The following MDM2 variants were observed in gnomAD, a reference collection of about 807,000 sequenced individuals.
MDM2 encodes the protein E3 ubiquitin-protein ligase Mdm2.
MDM2 carries 11 observed loss-of-function variants against 64.3 expected under a neutral mutation model. The ratio of observed to expected loss-of-function variants is 0.17; its 90% CI spans 0.11 to 0.28. MDM2 has a LOEUF of 0.28. MDM2 is among the 10% of genes least tolerant of loss of function. MDM2 has a pLI of 1.00. For missense variants in MDM2, 388 were observed against 577.1 expected (o/e 0.67, Z 3.36); for synonymous variants, 194 against 192.9 (o/e 1.01, Z -0.05).
chr12:68,839,686 G>A lies in MDM2; in HGVS notation c.1331G>A (p.Cys444Tyr), dbSNP rs765555199. The A allele has an allele frequency of 6.2e-7, 1 of 1,613,718 alleles. No homozygotes were observed. ...TTGCCCCTTAATGCCATTGAACCTTGTGTGATTTGTCAAGGTCGACCTAAA... is the reference window on the plus strand; with the variant it reads ...TTGCCCCTTAATGCCATTGAACCTTATGTGATTTGTCAAGGTCGACCTAAA... ...SSLPLNAIEP[C>Y]VICQGRPKNG... Residue 444 changes from cysteine (C) to tyrosine (Y), a missense_variant, in exon 11 of 11, where the codon TGT (cysteine) becomes TAT (tyrosine). Physicochemically the swap from Cys to Tyr is radical, Grantham distance 194. Transcript: ENST00000258149.
Position 68,839,797 on chromosome 12 carries a change from G to C in MDM2, c.1442G>C (p.Cys481Ser), listed in dbSNP as rs550783815. Residue 481 changes from cysteine (C) to serine (S), a missense_variant, in exon 11 of 11, where the codon TGC (cysteine) becomes TCC (serine). Physicochemically the swap from Cys to Ser is moderately radical, Grantham distance 112 (BLOSUM62 -1). Transcript: ENST00000258149. The stretch of plus-strand genomic sequence containing the variant: ...AAGCTAAAGAAAAGGAATAAGCCCT[G>C]CCCAGTATGTAGACAACCAATTCAA... ...AKKLKKRNKP[C>S]PVCRQPIQMI... The C allele has an allele frequency of 6.2e-7, 1 of 1,614,054 alleles. No individual in the cohort carries two copies. The highest frequency in any genetic ancestry group is 1.7e-5 in the Admixed American group (1 of 59,992).
chr12:68,842,533 A>G lies in MDM2; in HGVS notation c.*2684A>G, dbSNP rs1418318269. 2 of 357,914 alleles carry G rather than the reference A, an allele frequency of 5.6e-6. No homozygotes were observed. The highest frequency in any genetic ancestry group is 1.1e-5 in the Non-Finnish European group (2 of 184,692). The allele number at this position is 357,914 out of a possible 1,614,324, so 22.2% of individuals were successfully genotyped here. ...AAATCATCTACATTGCTGTCTACAA[A>G]ACAGATAATATGGATGTTTGATCGC... On this transcript the variant is annotated 3_prime_UTR_variant, in exon 11 of 11. Coordinates refer to ENST00000258149, the MANE Select transcript of MDM2 (RefSeq NM_002392.6).
chr12:68,829,500 G>A (rs1254099685), intron 8 of MDM2, among the ~76,000 whole-genome samples: 1 of 152,140 alleles, frequency 6.6e-6, no homozygotes. Context: ...GGGTGCGGTG[G>A]CTCATGCCTG....
intron 8 of MDM2, among the ~76,000 whole-genome samples, chr12:68,829,578 C>G (rs1377416545): frequency 2.0e-5 from 3 of 152,048 alleles, no homozygotes; most frequent in Non-Finnish European, 4.4e-5. Context: ...CCAGCATGGC[C>G]AACAAGATGA....
Position 68,844,075 on chromosome 12 carries a change from A to G in MDM2, c.*4226A>G, listed in dbSNP as rs1884051694. The G allele has an allele frequency of 9.7e-6, 2 of 206,504 alleles. No homozygotes were observed. The highest frequency in any genetic ancestry group is 1.9e-4 in the South Asian group (1 of 5,318). The allele number at this position is 206,504 out of a possible 1,614,324, so 12.8% of individuals were successfully genotyped here. On this transcript the variant is annotated 3_prime_UTR_variant, in exon 11 of 11. Transcript: ENST00000258149. ...TGGAGGCAGTGACAGCTATTTTTAC[A>G]AAATTTAAATCTGCAAATGGATTCA... is the stretch of plus-strand genomic sequence containing the variant.
At chr12:68,830,760 G>C (rs753352746) in intron 8 of MDM2, among the ~76,000 whole-genome samples, 2 of 152,076 alleles carry the variant, frequency 1.3e-5, no homozygotes, top group Non-Finnish European at 2.9e-5. Flanking sequence ...GAGTGCAGTG[G>C]TGCAATCTTG....
At chr12:68,809,772 T>C (rs1328115624) in intron 2 of MDM2, among the ~76,000 whole-genome samples, 8 of 152,232 alleles carry the variant, frequency 5.3e-5, no homozygotes, top group Non-Finnish European at 8.8e-5. Context: ...TCTATGTTAT[T>C]GTCCTGTTTG....
chr12:68,833,207 T>C (rs1381464740), intron 8 of MDM2, among the ~76,000 whole-genome samples: 1 of 123,214 alleles, frequency 8.1e-6, no homozygotes, highest in African/African-American at 3.0e-5. Context: ...TATATAATTA[T>C]AAATCTATTA....
rs2136105063 is a variant in MDM2, at chr12:68,809,006, A to AT, written c.15-198dup. 26 of 1,457,752 alleles carry AT rather than the reference A, an allele frequency of 1.8e-5. No homozygotes were observed. The South Asian group carries it at 3.6e-4, about 20-fold the overall frequency. The allele number at this position is 1,457,752 out of a possible 1,614,324, so 90.3% of individuals were successfully genotyped here. A position where few individuals can be genotyped will look rare whatever the true frequency, so the allele number is the denominator to read the frequency against. ...CCAGCTGGGGCTATTTAAACCATGCATTTTCCCAGCTGTGTTCAGTGGCGA... is the reference window on the plus strand; with the variant it reads ...CCAGCTGGGGCTATTTAAACCATGCATTTTTCCCAGCTGTGTTCAGTGGCGA... On this transcript the variant is annotated intron_variant, in intron 1 of 10. Transcript: ENST00000258149.
At chr12:68,848,220 T>C (rs1483938076), downstream of MDM2, 1 of 152,272 alleles carries the variant, frequency 6.6e-6, no homozygotes, top group Non-Finnish European at 1.5e-5. Flanking sequence ...TCTTGCTCTG[T>C]TGCCCAGGGT....
At chr12:68,822,677 G>C (rs561796865) in intron 5 of MDM2, among the ~76,000 whole-genome samples, 1 of 151,842 alleles carries the variant, frequency 6.6e-6, no homozygotes, top group Non-Finnish European at 1.5e-5. Flanking sequence ...CTTATTTGCA[G>C]TCTGAGTTTG....
At chr12:68,819,093 G>T (rs887551003) in intron 4 of MDM2, among the ~76,000 whole-genome samples, 2 of 152,150 alleles carry the variant, frequency 1.3e-5, no homozygotes, top group Non-Finnish European at 2.9e-5. Context: ...AATTCTAAAT[G>T]TTGAGAGATA....
downstream of MDM2, chr12:68,850,048 G>T (rs1393666544): frequency 6.6e-6 from 1 of 152,304 alleles, no homozygotes; most frequent in Non-Finnish European, 1.5e-5. Flanking sequence ...ACTTTGGGAG[G>T]CTGAGGTGGG....
At chr12:68,835,006 A>T (rs1467478105) in intron 8 of MDM2, among the ~76,000 whole-genome samples, 1 of 152,182 alleles carries the variant, frequency 6.6e-6, no homozygotes, top group Non-Finnish European at 1.5e-5. Flanking sequence ...TTAAAAGAAA[A>T]TCTCAAAGTT....
rs150191338 is a variant in MDM2 at position 68,809,132 on chromosome 12, G to A, written c.15-76G>A. On this transcript the variant is annotated intron_variant, in intron 1 of 10. Transcript: ENST00000258149. ...AGCTTTAGTTTTAACTGTTGTTTATGTTCTTTATATATGATGTATTTTCCA... is the reference window on the plus strand; with the variant it reads ...AGCTTTAGTTTTAACTGTTGTTTATATTCTTTATATATGATGTATTTTCCA... The A allele has an allele frequency of 5.7e-3, 9,051 of 1,582,284 alleles. 81 individuals are homozygous for A. Among genetic ancestry groups the A allele is most frequent in the Middle Eastern group, 0.038 (223 of 5,902 alleles).
In MDM2 at chr12:68,843,080, A is replaced by G. The variant is rs1883933737; in HGVS notation, c.*3231A>G. ...AGATGTTATCTCAGTGCCTTTTGCA[A>G]TTTGTTGTGTGGGTTTTTTTTTTTT... On this transcript the variant is annotated 3_prime_UTR_variant, in exon 11 of 11. Transcript: ENST00000258149. 2 of 221,448 alleles carry G rather than the reference A, an allele frequency of 9.0e-6. No individual in the cohort carries two copies. Among genetic ancestry groups the G allele is most frequent in the South Asian group, 1.8e-4 (1 of 5,424 alleles). 13.7% of individuals were successfully genotyped at this position (221,448 alleles called of 1,614,324 possible).
chr12:68,818,710 A>G (rs1189383064), intron 4 of MDM2, among the ~76,000 whole-genome samples: 3 of 151,282 alleles, frequency 2.0e-5, no homozygotes, highest in Non-Finnish European at 2.9e-5. Flanking sequence ...AAAAATAACT[A>G]TATTGGTATA....
rs1297828684 is a variant in MDM2 at position 68,808,626 on chromosome 12, G to T, written c.14+135G>T. On this transcript the variant is annotated intron_variant, in intron 1 of 10. Transcript: ENST00000258149. The stretch of plus-strand genomic sequence containing the variant: ...TGGGGGCTCGGGGCGCGGGGCGCGG[G>T]GCATGGGGCACGTGGCTTTGCGGAG... 4 of 1,315,742 alleles carry T rather than the reference G, an allele frequency of 3.0e-6. No homozygotes were observed. The African/African-American group carries it at 4.4e-5, about 15-fold the overall frequency. The allele number at this position is 1,315,742 out of a possible 1,614,324, so 81.5% of individuals were successfully genotyped here.
Position 68,843,763 on chromosome 12 carries a change from G to A in MDM2, c.*3914G>A. On this transcript the variant is annotated 3_prime_UTR_variant, in exon 11 of 11. Coordinates refer to ENST00000258149, the MANE Select transcript of MDM2 (RefSeq NM_002392.6). ...AAGGGATTAGTAGTTTACCTGTGGA[G>A]GTCCTCCAAGCATTATTTGGAGTTG... 1 of 223,530 alleles carries A rather than the reference G, an allele frequency of 4.5e-6. No homozygotes were observed. The highest frequency in any genetic ancestry group is 8.9e-6 in the Non-Finnish European group (1 of 112,040). The allele number at this position is 223,530 out of a possible 1,614,324, so 13.8% of individuals were successfully genotyped here. A position where few individuals can be genotyped will look rare whatever the true frequency, so the allele number is the denominator to read the frequency against.
Sources: allele counts gnomAD v4.1 joint callset (sites outside exome capture counted in the v4.1 genomes callset), GRCh38; gene constraint gnomAD v4.1.1; transcripts MANE v1.5; gene names NCBI Gene and HGNC (gene_info 2026-07-23, HGNC 2026-07-21).